TMEFF2: variants seen among roughly 807,000 people sequenced by gnomAD.
TMEFF2 encodes tomoregulin-2.
A neutral mutation model predicts 53.8 loss-of-function variants in TMEFF2; 28 were observed. That is an observed-to-expected ratio of 0.52 (90% CI 0.39 to 0.71). TMEFF2 has a LOEUF of 0.71. Ranked by LOEUF, TMEFF2 falls within the 30% of genes least tolerant of loss-of-function variation. TMEFF2 has a pLI of 0.00. For missense variants in TMEFF2, 353 were observed against 455.2 expected (o/e 0.78, Z 2.04); for synonymous variants, 162 against 166.3 (o/e 0.97, Z 0.20).
chr2:192,108,351 T>C (rs1689199058), intron 4 of TMEFF2, among the ~76,000 whole-genome samples: 1 of 151,916 alleles, frequency 6.6e-6, no homozygotes, highest in Non-Finnish European at 1.5e-5. Flanking sequence ...TCCACATGTA[T>C]GAAAGACAGG....
intron 5 of TMEFF2, among the ~76,000 whole-genome samples, chr2:192,011,481 T>A (rs1004896893): frequency 6.6e-6 from 1 of 152,250 alleles, no homozygotes; most frequent in Non-Finnish European, 1.5e-5. Context: ...TTGATATTAT[T>A]CTTAAGCCTG....
intron 7 of TMEFF2, among the ~76,000 whole-genome samples, chr2:191,991,287 G>C (rs1367968529): frequency 6.6e-6 from 1 of 152,032 alleles, no homozygotes; most frequent in Non-Finnish European, 1.5e-5. Context: ...AATTGTACGA[G>C]TCCATAAAGG....
chr2:192,142,266 A>T (rs894397391), intron 4 of TMEFF2, among the ~76,000 whole-genome samples: 1 of 152,256 alleles, frequency 6.6e-6, no homozygotes, highest in East Asian at 1.9e-4. Context: ...TCAATCTGGC[A>T]TATTGAGGTG....
rs1574234716 is a variant in TMEFF2, at chr2:191,949,074, A to G, written c.*1237T>C. On this transcript the variant is annotated 3_prime_UTR_variant, in exon 10 of 10. Coordinates refer to ENST00000272771, the MANE Select transcript of TMEFF2 (RefSeq NM_016192.4). ...GAAGGAGACAAAGAGAGCTTTATTT[A>G]AATTTACTGTGTTAGCCATGGAAAG... 1.0e-6 allele frequency: 1 copy of G among 985,042 alleles called. No individual in the cohort carries two copies. Among genetic ancestry groups the G allele is most frequent in the African/African-American group, 1.7e-5 (1 of 57,286 alleles). 61.0% of individuals were successfully genotyped at this position (985,042 alleles called of 1,614,324 possible).
chr2:192,179,656 G>A lies in TMEFF2; in HGVS notation c.439+12C>T, dbSNP rs1433805218. 1.9e-6 allele frequency: 3 copies of A among 1,555,152 alleles called. No homozygotes were observed. The highest frequency in any genetic ancestry group is 1.9e-5 in the Admixed American group (1 of 51,500). On this transcript the variant is annotated intron_variant, in intron 4 of 9. Coordinates refer to ENST00000272771, the MANE Select transcript of TMEFF2 (RefSeq NM_016192.4). Reference sequence around the variant, plus strand: ...CAGTAAATCTTCAAATATGTAAAAAGGCAACTCCTACCTCCATCTCCAGAT... The same window carrying A: ...CAGTAAATCTTCAAATATGTAAAAAAGCAACTCCTACCTCCATCTCCAGAT...
At chr2:191,975,144 T>C (rs888500023) in intron 7 of TMEFF2, among the ~76,000 whole-genome samples, 2 of 150,670 alleles carry the variant, frequency 1.3e-5, no homozygotes, top group Admixed American at 6.6e-5. Context: ...AAAAAATATA[T>C]AGGAAATATA....
intron 5 of TMEFF2, among the ~76,000 whole-genome samples, chr2:192,004,924 G>GT (rs1234626829): frequency 5.9e-5 from 9 of 152,274 alleles, no homozygotes; most frequent in Middle Eastern, 3.4e-3. Context: ...TGCCTTTAAG[G>GT]TTTTTTGTGT....
At chr2:192,132,445 T>C (rs1028248717) in intron 4 of TMEFF2, among the ~76,000 whole-genome samples, 1 of 152,014 alleles carries the variant, frequency 6.6e-6, no homozygotes, top group Non-Finnish European at 1.5e-5. Flanking sequence ...TCATTCTCAA[T>C]ATACATTTTA....
intron 4 of TMEFF2, among the ~76,000 whole-genome samples, chr2:192,105,788 T>C (rs769474229): frequency 6.6e-6 from 1 of 151,934 alleles, no homozygotes; most frequent in Non-Finnish European, 1.5e-5. Flanking sequence ...CCAACTGCAT[T>C]TTCTTTATCA....
At chr2:192,191,826 C>T in intron 2 of TMEFF2, 54 bp downstream of exon 2, 2 of 1,279,374 alleles carry the variant, frequency 1.6e-6, no homozygotes, top group Non-Finnish European at 2.3e-6. Context: ...AAGGAAGATT[C>T]CTGCTTTGCA....
At chr2:192,081,441 TCAAA>T (rs1420478276) in intron 4 of TMEFF2, among the ~76,000 whole-genome samples, 2 of 152,190 alleles carry the variant, frequency 1.3e-5, no homozygotes, top group Admixed American at 6.5e-5. Context: ...TTAAGAAAGA[TCAAA>T]CAATCAGCCT....
chr2:192,160,142 T>TG (rs1690598744), intron 4 of TMEFF2, among the ~76,000 whole-genome samples: 1 of 152,142 alleles, frequency 6.6e-6, no homozygotes, highest in African/African-American at 2.4e-5. Flanking sequence ...CAAATATGTG[T>TG]GTTTGGGGAG....
intron 5 of TMEFF2, among the ~76,000 whole-genome samples, chr2:192,056,390 TGGAAGA>T (rs922682399): frequency 1.2e-4 from 17 of 145,820 alleles, no homozygotes; most frequent in African/African-American, 4.3e-4. Context: ...GAAGAGGAAG[TGGAAGA>T]GGAAGAAGAG....
chr2:191,991,970 A>G (rs560764058), intron 7 of TMEFF2, among the ~76,000 whole-genome samples: 1 of 152,270 alleles, frequency 6.6e-6, no homozygotes, highest in East Asian at 1.9e-4. Context: ...AGAGCAGGAA[A>G]AATTGTGAGT....
At chr2:192,039,216 T>C (rs1460223336) in intron 5 of TMEFF2, among the ~76,000 whole-genome samples, 1 of 152,158 alleles carries the variant, frequency 6.6e-6, no homozygotes, top group Non-Finnish European at 1.5e-5. Context: ...TGTGAGGATT[T>C]ATAGGAAAAA....
At chr2:192,011,328 G>A (rs1357839764) in intron 5 of TMEFF2, among the ~76,000 whole-genome samples, 1 of 152,242 alleles carries the variant, frequency 6.6e-6, no homozygotes, top group African/African-American at 2.4e-5. Context: ...TCTATGTGGA[G>A]TGGCTACTCT....
intron 4 of TMEFF2, among the ~76,000 whole-genome samples, chr2:192,134,619 A>C (rs968301891): frequency 1.3e-5 from 2 of 152,160 alleles, no homozygotes; most frequent in African/African-American, 4.8e-5. Context: ...TTCAAGCTCG[A>C]AGCTTTGCCC....
chr2:192,093,752 A>T (rs1688843476), intron 4 of TMEFF2, among the ~76,000 whole-genome samples: 1 of 151,950 alleles, frequency 6.6e-6, no homozygotes, highest in Non-Finnish European at 1.5e-5. Flanking sequence ...TAGGGTTGAA[A>T]CCCAAGGTAA....
intron 4 of TMEFF2, among the ~76,000 whole-genome samples, chr2:192,175,443 C>T (rs1349281790): frequency 1.3e-5 from 2 of 151,420 alleles, no homozygotes; most frequent in East Asian, 3.9e-4. Context: ...GGAATTTTTT[C>T]ATTAAATAAA....
Sources: gnomAD v4.1 joint callset for allele counts (sites outside exome capture counted in the v4.1 genomes callset) on GRCh38, gnomAD v4.1.1 for gene constraint, MANE v1.5 for transcripts, NCBI Gene and HGNC (gene_info 2026-07-23, HGNC 2026-07-21) for gene names.